Variants in AUTS2 observed in about 807,000 individuals in gnomAD.
AUTS2 encodes the protein autism susceptibility gene 2 protein.
AUTS2 carries 17 observed loss-of-function variants against 112.4 expected under a neutral mutation model. The observed-to-expected ratio is 0.15, with a 90% CI of 0.10 to 0.23. AUTS2 has a LOEUF of 0.23. Ranked by LOEUF, AUTS2 falls within the 10% of genes least tolerant of loss-of-function variation. AUTS2 has a pLI of 1.00. For synonymous variants in AUTS2, 751 were observed against 702.7 expected (o/e 1.07, Z -1.09); for missense variants, 1,510 against 1,701.6 (o/e 0.89, Z 1.98).
At chr7:69,814,418 A>G (rs1790670422) in intron 1 of AUTS2, among the ~76,000 whole-genome samples, 3 of 152,204 alleles carry the variant, frequency 2.0e-5, no homozygotes, top group Admixed American at 6.5e-5. Context: ...CTTTGTGGAC[A>G]TGGTAGAGCC....
At chr7:70,613,780 T>C (rs1804215753) in intron 5 of AUTS2, among the ~76,000 whole-genome samples, 1 of 152,210 alleles carries the variant, frequency 6.6e-6, no homozygotes, top group Admixed American at 6.5e-5. Flanking sequence ...AATCAGAACA[T>C]GATCCCTGGC....
chr7:70,790,218 G>A lies in AUTS2; in HGVS notation c.3002G>A (p.Arg1001Gln), dbSNP rs1266287610. The part of the protein sequence containing the change: ...DLPPEAPQTH[R>Q]ASEPPPPNSS... ...CCTCCAGAGGCCCCGCAGACCCACC[G>A]GGCCTCGGAGCCGCCGCCTCCCAAC... The change falls in exon 19 of 19, where the codon CGG (arginine) becomes CAG (glutamine). Residue 1001 changes from arginine to glutamine, a missense_variant. By Grantham distance (43) the Arg-to-Gln change is conservative. This residue lies in a region of AUTS2 where 788 missense variants were observed against 797.6 expected (regional missense o/e 0.99). Transcript: ENST00000342771. This position sits in a 1 kb window ranked among gnomAD's most constrained non-coding sequence, Gnocchi z 7.6. 3.1e-6 allele frequency: 5 copies of A among 1,612,438 alleles called. No homozygotes were observed. Among genetic ancestry groups the A allele is most frequent in the Middle Eastern group, 3.3e-4 (2 of 6,062 alleles).
intron 6 of AUTS2, among the ~76,000 whole-genome samples, chr7:70,759,423 T>C (rs761275704): frequency 6.6e-6 from 1 of 152,236 alleles, no homozygotes; most frequent in Non-Finnish European, 1.5e-5. Flanking sequence ...AGGCAGAATC[T>C]AGAGCCGCAT....
At chr7:69,862,425 G>A (rs929870595) in intron 1 of AUTS2, among the ~76,000 whole-genome samples, 5 of 152,268 alleles carry the variant, frequency 3.3e-5, no homozygotes, top group Middle Eastern at 3.4e-3. Flanking sequence ...TCCTCTAGGG[G>A]ACAGAATGTA....
intron 4 of AUTS2, among the ~76,000 whole-genome samples, chr7:70,276,160 A>G (rs1764627348): frequency 6.6e-6 from 1 of 152,026 alleles, no homozygotes; most frequent in South Asian, 2.1e-4. Context: ...GTGCTTTGTG[A>G]TAGTCACTAG....
chr7:70,541,927 C>G (rs1311288258), intron 5 of AUTS2, among the ~76,000 whole-genome samples: 4 of 152,198 alleles, frequency 2.6e-5, no homozygotes, highest in African/African-American at 7.2e-5. Flanking sequence ...AGCTTATCAC[C>G]AGGTAATGCT....
At chr7:70,769,258 G>A (rs1790162672) in intron 10 of AUTS2, among the ~76,000 whole-genome samples, 2 of 152,286 alleles carry the variant, frequency 1.3e-5, no homozygotes, top group Admixed American at 1.3e-4. Context: ...CTCAGTACCA[G>A]AATACAAAAA....
At chr7:70,004,216 TTA>T (rs1182324622) in intron 2 of AUTS2, among the ~76,000 whole-genome samples, 1 of 136,308 alleles carries the variant, frequency 7.3e-6, no homozygotes, top group African/African-American at 2.7e-5. Context: ...TATGAATGTG[TTA>T]TATGTGAATA....
chr7:70,641,673 C>T (rs546633958), intron 5 of AUTS2, among the ~76,000 whole-genome samples: 11 of 152,280 alleles, frequency 7.2e-5, no homozygotes, highest in East Asian at 3.9e-4. Flanking sequence ...CATGGGAGGC[C>T]GCCCTTAGTT....
intron 4 of AUTS2, among the ~76,000 whole-genome samples, chr7:70,400,171 T>A (rs192916376): frequency 8.7e-4 from 133 of 152,292 alleles, no homozygotes; most frequent in Non-Finnish European, 1.5e-3. Context: ...GGAAGAACCC[T>A]GGATTTAGAG....
At position 70,435,792 on chromosome 7, in the gene AUTS2, C is replaced by T. The variant is rs201020051; in HGVS notation, c.690+11C>T. On this transcript the variant is annotated intron_variant, in intron 5 of 18. Transcript: ENST00000342771. The stretch of plus-strand genomic sequence containing the variant: ...GACCAGGAAGAGAAGGTAAGACCCC[C>T]CCTCCCCCATTGTGGGCACAGCACA... The T allele has an allele frequency of 4.3e-6, 7 of 1,613,656 alleles. No individual in the cohort carries two copies. The highest frequency in any genetic ancestry group is 3.3e-5 in the South Asian group (3 of 91,062).
At chr7:70,441,369 C>T (rs1418363535) in intron 5 of AUTS2, among the ~76,000 whole-genome samples, 2 of 152,128 alleles carry the variant, frequency 1.3e-5, no homozygotes, top group Non-Finnish European at 1.5e-5. Context: ...TTCCCTCTTT[C>T]CACACACTTT....
intron 4 of AUTS2, among the ~76,000 whole-genome samples, chr7:70,412,972 A>G (rs555865740): frequency 6.6e-6 from 1 of 152,360 alleles, no homozygotes; most frequent in South Asian, 2.1e-4. Flanking sequence ...TCTGGGCGAC[A>G]GAGTGAGACT....
intron 5 of AUTS2, among the ~76,000 whole-genome samples, chr7:70,616,582 A>G (rs541493214): frequency 3.5e-4 from 54 of 152,262 alleles, no homozygotes; most frequent in African/African-American, 1.3e-3. Context: ...CATACTGTTG[A>G]GTCCCCAGTG....
intron 6 of AUTS2, among the ~76,000 whole-genome samples, chr7:70,715,233 A>G (rs558396450): frequency 8.9e-4 from 135 of 152,324 alleles, no homozygotes; most frequent in African/African-American, 3.2e-3. Flanking sequence ...AGTTCTCTGC[A>G]TTTTTCTTAC....
chr7:70,471,828 C>T (rs540687532), intron 5 of AUTS2, among the ~76,000 whole-genome samples: 9 of 151,880 alleles, frequency 5.9e-5, no homozygotes, highest in South Asian at 2.1e-4. Flanking sequence ...GTGGGGTCAG[C>T]GGGTGGGGAG....
At chr7:70,786,230 C>A (rs1034062374) in intron 17 of AUTS2, among the ~76,000 whole-genome samples, 192 bp downstream of exon 17, 1 of 152,168 alleles carries the variant, frequency 6.6e-6, no homozygotes, top group Non-Finnish European at 1.5e-5. Flanking sequence ...GAGGGCAGCC[C>A]CCTGTGGCTA....
chr7:70,304,398 C>G (rs2129614145), intron 4 of AUTS2, among the ~76,000 whole-genome samples: 1 of 152,318 alleles, frequency 6.6e-6, no homozygotes, highest in Non-Finnish European at 1.5e-5. Flanking sequence ...CTTCGTGTGA[C>G]TCAAAGTATC....
At chr7:69,844,950 A>T (rs1268396990) in intron 1 of AUTS2, among the ~76,000 whole-genome samples, 7 of 152,194 alleles carry the variant, frequency 4.6e-5, no homozygotes, top group Non-Finnish European at 1.0e-4. Context: ...ACATAATAGG[A>T]TTGTGGAGAT....
Sources: allele counts gnomAD v4.1 joint callset (sites outside exome capture counted in the v4.1 genomes callset), GRCh38; gene constraint gnomAD v4.1.1; regional missense constraint gnomAD v4.1.1; non-coding constraint Gnocchi (gnomAD v3.1); transcripts MANE v1.5; gene names NCBI Gene and HGNC (gene_info 2026-07-23, HGNC 2026-07-21).